MSRB3: variants seen among roughly 807,000 people sequenced by gnomAD.
MSRB3 encodes the protein methionine sulfoxide reductase B3.
MSRB3 carries 13 observed loss-of-function variants against 21.0 expected under a neutral mutation model. The ratio of observed to expected loss-of-function variants is 0.62; its 90% CI spans 0.40 to 0.98. MSRB3 has a LOEUF of 0.98. MSRB3 is among the 50% of genes least tolerant of loss of function. The pLI is 0.00. For missense variants in MSRB3, 199 were observed against 230.3 expected, an observed-to-expected ratio of 0.86 and a Z score of 0.88; for synonymous variants, 87 against 88.6, an observed-to-expected ratio of 0.98 and a Z score of 0.10.
intron 2 of MSRB3, among the ~76,000 whole-genome samples, chr12:65,318,991 A>T (rs369581484): frequency 6.6e-5 from 10 of 152,184 alleles, no homozygotes; most frequent in African/African-American, 2.2e-4. Flanking sequence ...TTTCATCAGG[A>T]TGAATGTAGT....
At chr12:65,460,581 C>T (rs777404711) in intron 6 of MSRB3, among the ~76,000 whole-genome samples, 8 of 152,162 alleles carry the variant, frequency 5.3e-5, no homozygotes, top group Non-Finnish European at 1.2e-4. Flanking sequence ...TATGACTCTT[C>T]CAGAACACCC....
chr12:65,414,060 G>GCCT (rs1880850637), intron 5 of MSRB3, among the ~76,000 whole-genome samples: 1 of 152,128 alleles, frequency 6.6e-6, no homozygotes, highest in Non-Finnish European at 1.5e-5. Context: ...TAGAGGAAAT[G>GCCT]AAGGTCAGGT....
intron 4 of MSRB3, among the ~76,000 whole-genome samples, chr12:65,365,912 C>T (rs1194641697): frequency 1.3e-5 from 2 of 152,166 alleles, no homozygotes; most frequent in Non-Finnish European, 2.9e-5. Context: ...CTCACTCAGC[C>T]TTCTCTTCCA....
intron 1 of MSRB3, among the ~76,000 whole-genome samples, chr12:65,303,078 G>A (rs1370989991): frequency 6.6e-6 from 1 of 152,030 alleles, no homozygotes; most frequent in African/African-American, 2.4e-5. Flanking sequence ...ACAGTTCTGG[G>A]TGTGGTGGAG....
chr12:65,414,457 G>A (rs1303974598), intron 5 of MSRB3, among the ~76,000 whole-genome samples: 1 of 152,000 alleles, frequency 6.6e-6, no homozygotes, highest in African/African-American at 2.4e-5. Flanking sequence ...TCTATGTTTA[G>A]ATATGTTTAG....
chr12:65,308,891 A>G (rs748638451), intron 2 of MSRB3: 80 of 580,474 alleles, frequency 1.4e-4, no homozygotes, highest in Non-Finnish European at 2.3e-4. Flanking sequence ...AATTGTCACT[A>G]ATATTTCATA....
At chr12:65,286,224 T>C (rs1335136122) in intron 1 of MSRB3, 1 of 152,358 alleles carries the variant, frequency 6.6e-6, no homozygotes, top group South Asian at 2.1e-4. Flanking sequence ...GTCTCAACTT[T>C]GAGTATCTCA....
chr12:65,395,196 G>A (rs113741039), intron 5 of MSRB3, among the ~76,000 whole-genome samples: 25 of 152,162 alleles, frequency 1.6e-4, no homozygotes, highest in Non-Finnish European at 3.4e-4. Context: ...GCTGGGCATG[G>A]TGGCTCACAC....
chr12:65,401,884 G>A (rs536459373), intron 5 of MSRB3, among the ~76,000 whole-genome samples: 247 of 152,210 alleles, frequency 1.6e-3, no homozygotes, highest in Non-Finnish European at 1.8e-3. Flanking sequence ...TAGTTTGGCT[G>A]GATATGAAAT....
At chr12:65,417,800 A>T (rs538338667) in intron 5 of MSRB3, among the ~76,000 whole-genome samples, 11 of 152,234 alleles carry the variant, frequency 7.2e-5, no homozygotes, top group Non-Finnish European at 1.5e-4. Flanking sequence ...TAAGTTGTTC[A>T]AATGACAGGA....
At chr12:65,391,189 G>A (rs143553797) in intron 5 of MSRB3, among the ~76,000 whole-genome samples, 157 of 152,322 alleles carry the variant, frequency 1.0e-3, no homozygotes, top group Non-Finnish European at 1.9e-3. Flanking sequence ...ATGGGCGGAA[G>A]CATTAAAGGA....
chr12:65,419,098 G>A (rs11175757), intron 5 of MSRB3: 378,666 of 690,284 alleles, frequency 0.55, 107,184 homozygotes, highest in Non-Finnish European at 0.62. Flanking sequence ...GTCAGTCTCC[G>A]AGGACTGGGC....
At chr12:65,310,525 T>G (rs1039628554) in intron 2 of MSRB3, among the ~76,000 whole-genome samples, 4 of 93,674 alleles carry the variant, frequency 4.3e-5, no homozygotes, top group African/African-American at 1.1e-4. Flanking sequence ...GATGTTTTCC[T>G]CTGGAAAAAG....
rs1006074788 is a variant in MSRB3 at position 65,287,223 on chromosome 12, A to C, written c.-52+8358A>C. 3.3e-5 allele frequency among the ~76,000 whole-genome samples: 5 copies of C among 150,562 alleles called. No individual in the cohort carries two copies. In the East Asian group the frequency reaches 1.0e-3, roughly 30 times the overall value. Reference sequence around the variant, plus strand: ...CTGTAGCCTTGACCTCCTGGGCTCAAGTGATCCTCCCACCTCAGCCTCCTG... The same window carrying C: ...CTGTAGCCTTGACCTCCTGGGCTCACGTGATCCTCCCACCTCAGCCTCCTG... On this transcript the variant is annotated intron_variant, in intron 1 of 6. Transcript: ENST00000308259.
intron 4 of MSRB3, among the ~76,000 whole-genome samples, chr12:65,368,603 T>TA (rs1878142987): frequency 6.6e-6 from 1 of 152,210 alleles, no homozygotes; most frequent in Admixed American, 6.5e-5. Context: ...AGTGAAAAGT[T>TA]ACTTCGTGTT....
intron 4 of MSRB3, among the ~76,000 whole-genome samples, chr12:65,351,692 C>G (rs1207287784): frequency 2.7e-5 from 4 of 149,796 alleles, no homozygotes; most frequent in Non-Finnish European, 5.9e-5. Context: ...CACCTCTATG[C>G]AAATAAACTA....
intron 5 of MSRB3, among the ~76,000 whole-genome samples, chr12:65,420,713 G>C (rs1440852800): frequency 6.6e-6 from 1 of 152,168 alleles, no homozygotes; most frequent in Non-Finnish European, 1.5e-5. Context: ...CCACTTATAA[G>C]TGAGAACGTG....
At chr12:65,364,046 C>T (rs1219781449) in intron 4 of MSRB3, among the ~76,000 whole-genome samples, 1 of 152,080 alleles carries the variant, frequency 6.6e-6, no homozygotes, top group Non-Finnish European at 1.5e-5. Flanking sequence ...GCATAGGTGC[C>T]TTCTATCTTA....
At chr12:65,368,594 G>C (rs1371091014) in intron 4 of MSRB3, among the ~76,000 whole-genome samples, 1 of 152,160 alleles carries the variant, frequency 6.6e-6, no homozygotes, top group Non-Finnish European at 1.5e-5. Flanking sequence ...TAAGAACTTA[G>C]TGAAAAGTTA....
Sources: gnomAD v4.1 joint callset for allele counts (sites outside exome capture counted in the v4.1 genomes callset) on GRCh38, gnomAD v4.1.1 for gene constraint, MANE v1.5 for transcripts, NCBI Gene and HGNC (gene_info 2026-07-23, HGNC 2026-07-21) for gene names.